The following SLC24A2 variants were observed in gnomAD, a reference collection of about 807,000 sequenced individuals.
SLC24A2 encodes solute carrier family 24 member 2.
SLC24A2 carries 36 observed loss-of-function variants against 62.0 expected under a neutral mutation model. The observed-to-expected ratio is 0.58, with a 90% CI of 0.44 to 0.77. The LOEUF is 0.77. Ranked by LOEUF, SLC24A2 falls within the 30% of genes least tolerant of loss-of-function variation. SLC24A2 has a pLI of 0.00. For synonymous variants in SLC24A2, 358 were observed against 294.0 expected (o/e 1.22, Z -2.23); for missense variants, 846 against 817.9 (o/e 1.03, Z -0.42).
chr9:19,671,866 G>A lies in SLC24A2; in HGVS notation c.931-49567C>T, dbSNP rs1489808834. Reference sequence around the variant, plus strand: ...TGTGGTGTGTCACATTTATTGACTTGCAGATGTTAAACCATCCCTGCATCC... The same window carrying A: ...TGTGGTGTGTCACATTTATTGACTTACAGATGTTAAACCATCCCTGCATCC... On this transcript the variant is annotated intron_variant, in intron 2 of 10. Coordinates refer to ENST00000341998, the MANE Select transcript of SLC24A2 (RefSeq NM_020344.4). 4.9e-5 allele frequency among the ~76,000 whole-genome samples: 6 copies of A among 123,164 alleles called. 1 individual carries two copies. The highest frequency in any genetic ancestry group is 4.4e-4 in the Admixed American group (6 of 13,602). 80.8% of individuals were successfully genotyped at this position (123,164 alleles called of 152,430 possible). A position where few individuals can be genotyped will look rare whatever the true frequency, so the allele number is the denominator to read the frequency against.
the SLC24A2 span, among the ~76,000 whole-genome samples, chr9:19,812,848 A>G: frequency 6.6e-6 from 1 of 152,134 alleles, no homozygotes; most frequent in Non-Finnish European, 1.5e-5. Context: ...TAGTTTCAGT[A>G]AGTGTCTGCC....
intron 2 of SLC24A2, among the ~76,000 whole-genome samples, chr9:19,678,921 C>T (rs1280227874): frequency 6.6e-6 from 1 of 152,192 alleles, no homozygotes; most frequent in Non-Finnish European, 1.5e-5. Flanking sequence ...TAATATATTT[C>T]AGTCAGTCTG....
the SLC24A2 span, among the ~76,000 whole-genome samples, chr9:19,907,532 A>G: frequency 6.6e-6 from 1 of 152,228 alleles, no homozygotes; most frequent in African/African-American, 2.4e-5. Flanking sequence ...AGAGGAAGTC[A>G]AATTGTCCCT....
rs565308289 is a variant in SLC24A2, at chr9:19,628,713, G to A, written c.931-6414C>T. On this transcript the variant is annotated intron_variant, in intron 2 of 10. Coordinates refer to ENST00000341998, the MANE Select transcript of SLC24A2 (RefSeq NM_020344.4). ...GGTTGCCTTACTTCCTTTAAGGAAC[G>A]GGTCTAAGACAGGAGGTGTCCAACC... Among the ~76,000 whole-genome samples, 20 of 152,240 alleles carry A rather than the reference G, an allele frequency of 1.3e-4. No homozygotes were observed. The East Asian group carries it at 3.5e-3, about 26-fold the overall frequency.
intron 8 of SLC24A2, among the ~76,000 whole-genome samples, chr9:19,545,472 T>G (rs1255423914): frequency 1.3e-5 from 2 of 152,050 alleles, no homozygotes; most frequent in African/African-American, 4.8e-5. Flanking sequence ...GTTCCATTGC[T>G]GGTGAGGAGT....
At chr9:19,986,837 A>AAG in the SLC24A2 span, among the ~76,000 whole-genome samples, 1 of 152,152 alleles carries the variant, frequency 6.6e-6, no homozygotes, top group Non-Finnish European at 1.5e-5. Flanking sequence ...TTGGGGTGAT[A>AAG]ATAATGTGTT....
chr9:19,810,588 G>A, the SLC24A2 span, among the ~76,000 whole-genome samples: 1 of 152,180 alleles, frequency 6.6e-6, no homozygotes, highest in Non-Finnish European at 1.5e-5. Context: ...ACATCTATGT[G>A]TTCCAAGATG....
At chr9:20,255,148 G>A in the SLC24A2 span, among the ~76,000 whole-genome samples, 1 of 152,174 alleles carries the variant, frequency 6.6e-6, no homozygotes. Flanking sequence ...AAAGTTCAGG[G>A]TTTAGCGTGT....
intron 4 of SLC24A2, among the ~76,000 whole-genome samples, chr9:19,602,473 T>G (rs1836867725): frequency 6.6e-6 from 1 of 152,230 alleles, no homozygotes; most frequent in Non-Finnish European, 1.5e-5. Flanking sequence ...AAAGGAAGTC[T>G]ATGAATGTCA....
In SLC24A2 at chr9:19,507,520, A is replaced by G. The variant is rs1301665955; in HGVS notation, c.*8633T>C. Reference sequence around the variant, plus strand: ...TGAGGAGACTTAGTTACATAAAGTGATATTCTATGAATTGATTATCAGTAG... The same window carrying G: ...TGAGGAGACTTAGTTACATAAAGTGGTATTCTATGAATTGATTATCAGTAG... On this transcript the variant is annotated 3_prime_UTR_variant, in exon 11 of 11. Coordinates refer to ENST00000341998, the MANE Select transcript of SLC24A2 (RefSeq NM_020344.4). 2 of 152,226 alleles carry G rather than the reference A, an allele frequency of 1.3e-5. No homozygotes were observed. Among genetic ancestry groups the G allele is most frequent in the Non-Finnish European group, 2.9e-5 (2 of 68,040 alleles). 9.4% of individuals were successfully genotyped at this position (152,226 alleles called of 1,614,324 possible). A position where few individuals can be genotyped will look rare whatever the true frequency, so the allele number is the denominator to read the frequency against.
the SLC24A2 span, among the ~76,000 whole-genome samples, chr9:20,094,978 A>C: frequency 6.6e-6 from 1 of 152,288 alleles, no homozygotes; most frequent in South Asian, 2.1e-4. Context: ...TATCTGAAAA[A>C]GCTATTAAAA....
intron 2 of SLC24A2, among the ~76,000 whole-genome samples, chr9:19,747,864 G>C (rs754421012): frequency 2.0e-5 from 3 of 152,154 alleles, no homozygotes; most frequent in Non-Finnish European, 4.4e-5. Context: ...ACACATATCA[G>C]TGAGGTGTTT....
At chr9:19,609,207 C>A (rs35498066) in intron 4 of SLC24A2, among the ~76,000 whole-genome samples, 24,644 of 152,286 alleles carry the variant, frequency 0.16, 2,312 homozygotes, top group Non-Finnish European at 0.21. Flanking sequence ...TGCGCTCTCA[C>A]TGCTTCAGGA....
chr9:19,847,381 T>C, the SLC24A2 span, among the ~76,000 whole-genome samples: 87 of 152,318 alleles, frequency 5.7e-4, no homozygotes, highest in Middle Eastern at 3.4e-3. Flanking sequence ...ATAATTATAA[T>C]GTTTCTCTTT....
intron 7 of SLC24A2, among the ~76,000 whole-genome samples, chr9:19,552,586 C>G (rs539533342): frequency 1.3e-5 from 2 of 152,130 alleles, no homozygotes; most frequent in South Asian, 4.1e-4. Context: ...TTCATTAAGG[C>G]TCCTCCCCAT....
rs1823160853 is a variant in SLC24A2 at position 19,786,063 on chromosome 9, A to T, written c.804T>A (p.Leu268=). 7.4e-6 allele frequency: 12 copies of T among 1,614,230 alleles called. No individual in the cohort carries two copies. In the East Asian group the frequency reaches 2.7e-4, roughly 36 times the overall value. ...CATAGCAAAAATAAGCTGTTAAGAG[A>T]AGCAAGCTTTCCCACCACATGATGA... ...DNVIMWWESL[L]LLTAYFCYVV... The change falls in exon 2 of 11, where the codon CTT becomes CTA. Residue 268 remains leucine, a synonymous_variant. Transcript: ENST00000341998. This position sits in a 1 kb window ranked among gnomAD's most constrained non-coding sequence, Gnocchi z 5.0.
intron 8 of SLC24A2, among the ~76,000 whole-genome samples, chr9:19,531,092 G>A (rs1344658574): frequency 6.6e-6 from 1 of 152,172 alleles, no homozygotes; most frequent in Non-Finnish European, 1.5e-5. Context: ...CATTCCAGCT[G>A]TATGGCCATC....
chr9:20,198,011 G>A, the SLC24A2 span, among the ~76,000 whole-genome samples: 1 of 152,152 alleles, frequency 6.6e-6, no homozygotes, highest in East Asian at 1.9e-4. Flanking sequence ...CCTTCCCCTT[G>A]GCTGCATCAA....
Position 19,669,331 on chromosome 9 carries a change from G to A in SLC24A2, c.931-47032C>T, listed in dbSNP as rs1317213755. 2.0e-5 allele frequency among the ~76,000 whole-genome samples: 3 copies of A among 152,078 alleles called. No individual in the cohort carries two copies. The East Asian group carries it at 5.8e-4, about 29-fold the overall frequency. ...TGGTGGGTTATGGGGAGAAGTGCTG[G>A]CATTCACATAAGTGGTCAGAACCCA... On this transcript the variant is annotated intron_variant, in intron 2 of 10. Coordinates refer to ENST00000341998, the MANE Select transcript of SLC24A2 (RefSeq NM_020344.4).
Sources: allele counts gnomAD v4.1 joint callset (sites outside exome capture counted in the v4.1 genomes callset), GRCh38; gene constraint gnomAD v4.1.1; non-coding constraint Gnocchi (gnomAD v3.1); transcripts MANE v1.5; gene names NCBI Gene and HGNC (gene_info 2026-07-23, HGNC 2026-07-21).